The following DGKI variants were observed in gnomAD, a reference collection of about 807,000 sequenced individuals.
DGKI encodes the protein DAG kinase iota.
DGKI carries 55 observed loss-of-function variants against 147.5 expected under a neutral mutation model. That is an observed-to-expected ratio of 0.37 (90% CI 0.30 to 0.47). DGKI has a LOEUF of 0.47. DGKI is among the 20% of genes least tolerant of loss of function. The pLI is 1.00. For synonymous variants in DGKI, 469 were observed against 477.1 expected, an observed-to-expected ratio of 0.98 and a Z score of 0.22; for missense variants, 1,007 against 1,323.8, an observed-to-expected ratio of 0.76 and a Z score of 3.71.
chr7:137,521,965 G>T lies in DGKI; in HGVS notation c.2149C>A (p.Pro717Thr). 6.2e-7 allele frequency: 1 copy of T among 1,609,348 alleles called. No individual in the cohort carries two copies. The highest frequency in any genetic ancestry group is 8.5e-7 in the Non-Finnish European group (1 of 1,177,530). Reference protein sequence around the residue: ...RRTSMPLLNDPQSVPDRLRIR... With the variant: ...RRTSMPLLNDTQSVPDRLRIR... ...CTCAGACGATCTGGGACAGACTGGG[G>T]ACTGCAAAACAAGAACCGAGTGGTC... Residue 717 changes from proline to threonine, a missense_variant and splice_region_variant, in exon 21 of 33, where the codon CCC (proline) becomes ACC (threonine). Pro to Thr is a conservative substitution (Grantham distance 38). This residue lies in a region of DGKI where 385 missense variants were observed against 445.2 expected (regional missense o/e 0.86). Transcript: ENST00000614521.
intron 6 of DGKI, among the ~76,000 whole-genome samples, chr7:137,628,557 A>G (rs1187450331): frequency 3.3e-5 from 5 of 152,156 alleles, no homozygotes; most frequent in African/African-American, 1.2e-4. Context: ...TGTTGGCCCA[A>G]ATCTGCTAAT....
intron 2 of DGKI, among the ~76,000 whole-genome samples, chr7:137,679,404 GTT>G (rs71652786): frequency 1.4e-3 from 181 of 127,522 alleles, no homozygotes; most frequent in African/African-American, 4.7e-3. Context: ...GAAGCAAACT[GTT>G]TTTTTTTTTT....
At chr7:137,766,521 C>A (rs1796018559) in intron 1 of DGKI, among the ~76,000 whole-genome samples, 1 of 152,090 alleles carries the variant, frequency 6.6e-6, no homozygotes. Flanking sequence ...AAGAGCAAAA[C>A]CAAGAAAAAG....
intron 1 of DGKI, among the ~76,000 whole-genome samples, chr7:137,724,958 A>T (rs971063226): frequency 1.3e-5 from 2 of 152,172 alleles, no homozygotes; most frequent in Non-Finnish European, 2.9e-5. Flanking sequence ...AGAAGGTAAG[A>T]TCGTTTCTAG....
chr7:137,448,338 T>C (rs1419397669), intron 27 of DGKI, among the ~76,000 whole-genome samples: 1 of 146,432 alleles, frequency 6.8e-6, no homozygotes, highest in Non-Finnish European at 1.5e-5. Context: ...ATGCAAATAT[T>C]ACAAGTAATA....
intron 21 of DGKI, among the ~76,000 whole-genome samples, chr7:137,518,423 C>T (rs531213577): frequency 1.3e-5 from 2 of 152,126 alleles, no homozygotes; most frequent in East Asian, 3.9e-4. Flanking sequence ...TTGGTTAACA[C>T]TAACGATACT....
At chr7:137,455,354 A>G (rs1814150975) in intron 27 of DGKI, among the ~76,000 whole-genome samples, 1 of 152,216 alleles carries the variant, frequency 6.6e-6, no homozygotes, top group Non-Finnish European at 1.5e-5. Flanking sequence ...GAATGCAGAT[A>G]AATCATAGTA....
chr7:137,835,559 C>T (rs1157611465), intron 1 of DGKI, among the ~76,000 whole-genome samples: 1 of 152,152 alleles, frequency 6.6e-6, no homozygotes, highest in African/African-American at 2.4e-5. Flanking sequence ...AAAGAAAGAG[C>T]CTGACTCTAT....
At chr7:137,647,413 G>T (rs550345256) in intron 5 of DGKI, among the ~76,000 whole-genome samples, 1 of 152,094 alleles carries the variant, frequency 6.6e-6, no homozygotes, top group Admixed American at 6.6e-5. Context: ...AGGTCTCCAG[G>T]ATCCTATTCC....
At chr7:137,682,069 T>C (rs7780095) in intron 2 of DGKI, among the ~76,000 whole-genome samples, 1,624 of 152,272 alleles carry the variant, frequency 0.011, 31 homozygotes, top group African/African-American at 0.035. Context: ...AGGACTGTAA[T>C]AAACCACAAA....
At chr7:137,844,962 G>A (rs769772380) in intron 1 of DGKI, among the ~76,000 whole-genome samples, 1 of 152,150 alleles carries the variant, frequency 6.6e-6, no homozygotes, top group Non-Finnish European at 1.5e-5. Context: ...GGGCCAGACG[G>A]GCCATCATAA....
rs538284035 is a variant in DGKI, at chr7:137,412,625, C to A, written c.2762-418G>T. Among the ~76,000 whole-genome samples the A allele has an allele frequency of 2.6e-5, 4 of 152,276 alleles. No individual in the cohort carries two copies. The East Asian group carries it at 7.7e-4, about 29-fold the overall frequency. On this transcript the variant is annotated intron_variant, in intron 28 of 32. Transcript: ENST00000614521. ...AATGTTCCTAACCCAGCCACAGATG[C>A]GGAGTAACTGCCTAATCATGATTGC...
At chr7:137,501,806 C>T (rs890490688) in intron 21 of DGKI, among the ~76,000 whole-genome samples, 1 of 152,126 alleles carries the variant, frequency 6.6e-6, no homozygotes, top group Non-Finnish European at 1.5e-5. Context: ...GGCACAGCTG[C>T]TTGGAGCCTG....
At chr7:137,832,465 C>G (rs1252808467) in intron 1 of DGKI, among the ~76,000 whole-genome samples, 1 of 152,258 alleles carries the variant, frequency 6.6e-6, no homozygotes, top group African/African-American at 2.4e-5. Context: ...GGCTTGAACC[C>G]TCTGAAGCAA....
In DGKI at chr7:137,399,966, C is replaced by G. The variant is rs1471717889; in HGVS notation, c.2921-2553G>C. Among the ~76,000 whole-genome samples the G allele has an allele frequency of 2.0e-5, 3 of 151,632 alleles. No homozygotes were observed. In the East Asian group the frequency reaches 5.8e-4, roughly 29 times the overall value. ...GTCAATACACATAGTGTGCTTAAAACAGTGCCTGGCACACCACAGGTACTG... is the reference window on the plus strand; with the variant it reads ...GTCAATACACATAGTGTGCTTAAAAGAGTGCCTGGCACACCACAGGTACTG... On this transcript the variant is annotated intron_variant, in intron 30 of 32. Transcript: ENST00000614521.
chr7:137,717,411 G>A (rs997235340), intron 1 of DGKI, among the ~76,000 whole-genome samples: 2 of 152,154 alleles, frequency 1.3e-5, no homozygotes, highest in African/African-American at 4.8e-5. Flanking sequence ...ACAAGGAACA[G>A]TTCTCAGGAA....
intron 1 of DGKI, among the ~76,000 whole-genome samples, chr7:137,727,697 T>C (rs1291402305): frequency 6.6e-6 from 1 of 152,172 alleles, no homozygotes; most frequent in Admixed American, 6.5e-5. Context: ...TAAGTTTTTC[T>C]CCCAGATGTT....
intron 1 of DGKI, among the ~76,000 whole-genome samples, chr7:137,762,014 T>G (rs543886687): frequency 2.0e-5 from 3 of 152,178 alleles, no homozygotes; most frequent in East Asian, 1.9e-4. Context: ...TCCACTTCAG[T>G]CTCTCTCAAG....
intron 27 of DGKI, chr7:137,453,230 G>A (rs996532510): frequency 6.6e-6 from 1 of 152,180 alleles, no homozygotes; most frequent in African/African-American, 2.4e-5. Flanking sequence ...TATCATCTCT[G>A]TGCAATAGCT....
Sources: gnomAD v4.1 joint callset for allele counts (sites outside exome capture counted in the v4.1 genomes callset) on GRCh38, gnomAD v4.1.1 for gene constraint, gnomAD v4.1.1 regional missense constraint, MANE v1.5 for transcripts, NCBI Gene and HGNC (gene_info 2026-07-23, HGNC 2026-07-21) for gene names.